ANXA8: variants seen among roughly 807,000 people sequenced by gnomAD.
The protein encoded by ANXA8 is VAC-beta.
Under a neutral mutation model 26.8 loss-of-function variants are expected in ANXA8, and 9 were observed. That is an observed-to-expected ratio of 0.34 (90% CI 0.20 to 0.59). The LOEUF is 0.59. Ranked by LOEUF, ANXA8 falls within the 20% of genes least tolerant of loss-of-function variation. The pLI, the probability that ANXA8 is intolerant of heterozygous loss-of-function variation, is 0.84. For synonymous variants in ANXA8, 39 were observed against 94.8 expected (o/e 0.41, Z 3.42); for missense variants, 83 against 238.5 (o/e 0.35, Z 4.29).
chr10:47,680,589 T>C, the ANXA8 span, among the ~76,000 whole-genome samples: 1 of 151,500 alleles, frequency 6.6e-6, no homozygotes, highest in African/African-American at 2.4e-5. Context: ...GAGCTGAGAT[T>C]GCGCCATCGC....
chr10:47,943,906 T>C, the ANXA8 span, among the ~76,000 whole-genome samples: 4 of 147,762 alleles, frequency 2.7e-5, no homozygotes, highest in South Asian at 2.1e-4. Context: ...GCCCCAAGCC[T>C]GGATCTGCCA....
chr10:47,956,773 C>T, the ANXA8 span, among the ~76,000 whole-genome samples: 1 of 149,894 alleles, frequency 6.7e-6, no homozygotes, highest in Non-Finnish European at 1.5e-5. Flanking sequence ...CTTACCTTCC[C>T]TTCCTCGCAC....
the ANXA8 span, among the ~76,000 whole-genome samples, chr10:47,767,406 C>T: frequency 2.0e-5 from 3 of 152,252 alleles, no homozygotes; most frequent in Admixed American, 2.0e-4. Context: ...CAGACAGTCA[C>T]TCCGACTGGC....
chr10:47,939,347 T>C, the ANXA8 span, among the ~76,000 whole-genome samples: 311 of 138,958 alleles, frequency 2.2e-3, 36 homozygotes, highest in African/African-American at 8.1e-3. Context: ...GGTCTTGCCA[T>C]GCGATTTGGG....
chr10:47,743,838 G>C, the ANXA8 span, among the ~76,000 whole-genome samples: 2,118 of 144,982 alleles, frequency 0.015, 33 homozygotes, highest in African/African-American at 0.052. Flanking sequence ...TCCTAGCGGG[G>C]ACACCGCCGT....
chr10:47,953,920 G>T, the ANXA8 span, among the ~76,000 whole-genome samples: 1 of 149,790 alleles, frequency 6.7e-6, no homozygotes, highest in Admixed American at 6.6e-5. Context: ...GGAGAAAAGT[G>T]AACCCTTATA....
the ANXA8 span, among the ~76,000 whole-genome samples, chr10:47,733,211 T>TTTTC: frequency 3.6e-5 from 3 of 82,316 alleles, no homozygotes; most frequent in Non-Finnish European, 8.0e-5. Flanking sequence ...CTTTCTTTCT[T>TTTTC]TCTTTCTTTC....
At chr10:47,649,628 C>A in the ANXA8 span, among the ~76,000 whole-genome samples, 7 of 151,438 alleles carry the variant, frequency 4.6e-5, no homozygotes, top group Non-Finnish European at 1.5e-5. Context: ...AGGCTGGTCT[C>A]GAACTCCTGA....
chr10:47,755,418 G>C, the ANXA8 span, among the ~76,000 whole-genome samples: 1 of 152,240 alleles, frequency 6.6e-6, no homozygotes, highest in East Asian at 1.9e-4. Context: ...ACCACACCCA[G>C]CTAATTTTTT....
chr10:47,633,854 C>T, the ANXA8 span, among the ~76,000 whole-genome samples: 1 of 148,350 alleles, frequency 6.7e-6, no homozygotes, highest in Non-Finnish European at 1.5e-5. Flanking sequence ...TGTTTTTCAC[C>T]CAGTTAATGT....
chr10:47,666,162 G>GT, the ANXA8 span, among the ~76,000 whole-genome samples: 2 of 147,918 alleles, frequency 1.4e-5, no homozygotes, highest in African/African-American at 2.5e-5. Context: ...TCATCAGAAT[G>GT]TTTTTTGTCC....
At chr10:47,699,313 C>T in the ANXA8 span, among the ~76,000 whole-genome samples, 2 of 122,654 alleles carry the variant, frequency 1.6e-5, no homozygotes, top group South Asian at 5.0e-4. Context: ...CACTGCACTG[C>T]AGCCTGAGGG....
At chr10:47,680,634 CA>C in the ANXA8 span, among the ~76,000 whole-genome samples, 6,351 of 128,740 alleles carry the variant, frequency 0.049, 187 homozygotes, top group African/African-American at 0.16. Context: ...GACTCCATCT[CA>C]AAAAAAAAAA....
chr10:47,735,395 GTTTC>G, the ANXA8 span, among the ~76,000 whole-genome samples: 1 of 148,420 alleles, frequency 6.7e-6, no homozygotes, highest in African/African-American at 2.5e-5. Context: ...GCACCAGGCC[GTTTC>G]TTTTTTTTTT....
chr10:47,747,205 C>T, the ANXA8 span, among the ~76,000 whole-genome samples: 2 of 151,922 alleles, frequency 1.3e-5, no homozygotes, highest in Non-Finnish European at 2.9e-5. Flanking sequence ...GCAGCAAAGG[C>T]AGCAGAGTCT....
At chr10:47,970,261 T>A in the ANXA8 span, 1 of 151,508 alleles carries the variant, frequency 6.6e-6, no homozygotes, top group Non-Finnish European at 1.5e-5. Context: ...GGCTGAGTGC[T>A]GTGGGGAGTG....
At chr10:47,469,777 A>G in intron 11 of ANXA8, among the ~76,000 whole-genome samples, 1 of 151,662 alleles carries the variant, frequency 6.6e-6, no homozygotes, top group East Asian at 1.9e-4. Context: ...ACTCTGGACC[A>G]GTTTAGGTCT....
chr10:47,692,751 T>TG, the ANXA8 span: 1 of 147,880 alleles, frequency 6.8e-6, no homozygotes, highest in Non-Finnish European at 1.5e-5. Context: ...TTTTTTTTTT[T>TG]TTTGAGACAG....
At chr10:47,643,649 TC>T in the ANXA8 span, among the ~76,000 whole-genome samples, 10 of 139,228 alleles carry the variant, frequency 7.2e-5, no homozygotes, top group African/African-American at 2.4e-4. Context: ...ATACTTTGTA[TC>T]TACTTGTAGC....
Sources: gnomAD v4.1 joint callset for allele counts (sites outside exome capture counted in the v4.1 genomes callset) on GRCh38, gnomAD v4.1.1 for gene constraint, MANE v1.5 for transcripts, NCBI Gene and HGNC (gene_info 2026-07-23, HGNC 2026-07-21) for gene names.